PDS5B: variants seen among roughly 807,000 people sequenced by gnomAD.
The protein encoded by PDS5B is PDS5 cohesin associated factor B.
A neutral mutation model predicts 184.1 loss-of-function variants in PDS5B; 51 were observed. That is an observed-to-expected ratio of 0.28 (90% CI 0.22 to 0.35). The LOEUF (loss-of-function observed/expected upper bound fraction) is 0.35, where lower values mean the gene tolerates loss of function less well. Ranked by LOEUF, PDS5B falls within the 10% of genes least tolerant of loss-of-function variation. The pLI is 1.00. For synonymous variants in PDS5B, 566 were observed against 569.2 expected, an observed-to-expected ratio of 0.99 and a Z score of 0.08; for missense variants, 1,180 against 1,723.3, an observed-to-expected ratio of 0.68 and a Z score of 5.58.
At chr13:32,715,901 T>G (rs1593494320) in intron 19 of PDS5B, among the ~76,000 whole-genome samples, 1 of 152,256 alleles carries the variant, frequency 6.6e-6, no homozygotes, top group African/African-American at 2.4e-5. Context: ...CCGCGAGTGA[T>G]CCGCCAGCCT....
intron 13 of PDS5B, chr13:32,689,905 A>G (rs1021464421): frequency 6.6e-6 from 1 of 152,108 alleles, no homozygotes; most frequent in Admixed American, 6.6e-5. Context: ...ACCTATTGGA[A>G]ATCATAGTAA....
At chr13:32,596,771 G>A (rs2057879341) in intron 1 of PDS5B, among the ~76,000 whole-genome samples, 1 of 151,954 alleles carries the variant, frequency 6.6e-6, no homozygotes, top group Non-Finnish European at 1.5e-5. Flanking sequence ...TTGCATGGTT[G>A]TTGACAGTAT....
Position 32,764,625 on chromosome 13 carries a change from A to G in PDS5B, c.3624+31A>G, listed in dbSNP as rs762634662. The stretch of plus-strand genomic sequence containing the variant: ...ATATTTGCATTGATTTTATAATAAT[A>G]TTAATGATAATTTTACTTAGTAATG... On this transcript the variant is annotated intron_variant, in intron 31 of 34. Coordinates refer to ENST00000315596, the MANE Select transcript of PDS5B (RefSeq NM_015032.4). 5.0e-6 allele frequency: 6 copies of G among 1,194,898 alleles called. No individual in the cohort carries two copies. The African/African-American group carries it at 7.8e-5, about 16-fold the overall frequency. 74.0% of individuals were successfully genotyped at this position (1,194,898 alleles called of 1,614,324 possible).
At chr13:32,635,926 G>T (rs368037746) in intron 1 of PDS5B, among the ~76,000 whole-genome samples, 4 of 151,622 alleles carry the variant, frequency 2.6e-5, no homozygotes, top group Admixed American at 1.3e-4. Flanking sequence ...CCGCCACCAC[G>T]CCTGGCTAAT....
chr13:32,655,373 TA>T (rs1371817466), intron 3 of PDS5B, among the ~76,000 whole-genome samples: 4 of 41,162 alleles, frequency 9.7e-5, no homozygotes, highest in South Asian at 1.1e-3. Context: ...TATATATATA[TA>T]TTTTTTTTTT....
At chr13:32,639,236 A>G (rs1010713771) in intron 1 of PDS5B, among the ~76,000 whole-genome samples, 17 of 152,208 alleles carry the variant, frequency 1.1e-4, no homozygotes, top group South Asian at 4.1e-4. Context: ...TGTTTGAGCC[A>G]GTTAAACTTT....
intron 1 of PDS5B, among the ~76,000 whole-genome samples, chr13:32,614,975 A>T (rs1470806681): frequency 6.6e-6 from 1 of 152,204 alleles, no homozygotes; most frequent in Non-Finnish European, 1.5e-5. Flanking sequence ...TGATGTGTGT[A>T]CAAAGTAAAC....
intron 1 of PDS5B, among the ~76,000 whole-genome samples, chr13:32,647,967 CTGT>C (rs1950269563): frequency 6.6e-6 from 1 of 152,184 alleles, no homozygotes; most frequent in African/African-American, 2.4e-5. Flanking sequence ...GTGCTTGGGG[CTGT>C]TATTAACCAG....
At chr13:32,649,829 A>G (rs1344929444) in intron 2 of PDS5B, 1 of 152,168 alleles carries the variant, frequency 6.6e-6, no homozygotes, top group Non-Finnish European at 1.5e-5. Flanking sequence ...GATTAAATTT[A>G]CTAATAGGTG....
chr13:32,754,454 A>T (rs1954099746), intron 25 of PDS5B, among the ~76,000 whole-genome samples: 1 of 152,134 alleles, frequency 6.6e-6, no homozygotes, highest in East Asian at 1.9e-4. Flanking sequence ...CTCTGTTGTC[A>T]ACTCTATCTG....
chr13:32,621,634 G>A (rs1638494201), intron 1 of PDS5B, among the ~76,000 whole-genome samples: 1 of 151,872 alleles, frequency 6.6e-6, no homozygotes, highest in South Asian at 2.1e-4. Context: ...CTCTATTCAG[G>A]TTTTACATTT....
intron 7 of PDS5B, 150 bp downstream of exon 7, chr13:32,667,994 C>T (rs1281583370): frequency 2.2e-6 from 1 of 452,188 alleles, no homozygotes; most frequent in Non-Finnish European, 4.0e-6. Flanking sequence ...CTTTCTCCTT[C>T]TTAAAATTAT....
chr13:32,761,343 TG>T (rs1269554727), intron 30 of PDS5B, among the ~76,000 whole-genome samples: 2 of 152,198 alleles, frequency 1.3e-5, no homozygotes, highest in African/African-American at 4.8e-5. Context: ...TTTGCTTTTT[TG>T]TTTTTTTTAA....
At chr13:32,766,085 T>G (rs2074496774) in intron 31 of PDS5B, among the ~76,000 whole-genome samples, 1 of 152,348 alleles carries the variant, frequency 6.6e-6, no homozygotes. Context: ...TATGTCTTCT[T>G]AGTTCTCACT....
intron 27 of PDS5B, among the ~76,000 whole-genome samples, 154 bp from the exon 28 acceptor site, chr13:32,758,380 G>A (rs539934162): frequency 6.6e-6 from 1 of 152,232 alleles, no homozygotes; most frequent in African/African-American, 2.4e-5. Context: ...AAGTAAATGA[G>A]CAAAACCAGT....
chr13:32,765,745 A>G lies in PDS5B; in HGVS notation c.3624+1151A>G, dbSNP rs566708475. On this transcript the variant is annotated intron_variant, in intron 31 of 34. Coordinates refer to ENST00000315596, the MANE Select transcript of PDS5B (RefSeq NM_015032.4). ...CACCCTCCTGGGTAACTGGGACCAC[A>G]GGCATGTGCCAGCATGCGTAGCCAA... Among the ~76,000 whole-genome samples the G allele has an allele frequency of 1.5e-4, 23 of 152,302 alleles. No individual in the cohort carries two copies. In the South Asian group the frequency reaches 4.8e-3, roughly 32 times the overall value.
At chr13:32,595,270 A>G (rs2057844984) in intron 1 of PDS5B, among the ~76,000 whole-genome samples, 1 of 152,166 alleles carries the variant, frequency 6.6e-6, no homozygotes, top group Admixed American at 6.5e-5. Flanking sequence ...CTCTCACATT[A>G]CATAAGTTAC....
chr13:32,678,952 A>C (rs780979056), intron 10 of PDS5B, 23 bp downstream of exon 10: 30 of 1,258,680 alleles, frequency 2.4e-5, no homozygotes, highest in Non-Finnish European at 3.3e-5. Context: ...TGTAACAGCA[A>C]ATATTCTTAC....
In PDS5B at chr13:32,773,338, G is replaced by T; in HGVS notation, c.4308+14G>T. Reference sequence around the variant, plus strand: ...TCTACAGTAAATGTATGTGTTCAAAGTTTCTGTGAGTGGTGTGGGATATAA... The same window carrying T: ...TCTACAGTAAATGTATGTGTTCAAATTTTCTGTGAGTGGTGTGGGATATAA... On this transcript the variant is annotated intron_variant, in intron 34 of 34. Coordinates refer to ENST00000315596, the MANE Select transcript of PDS5B (RefSeq NM_015032.4). 1.9e-6 allele frequency: 3 copies of T among 1,600,782 alleles called. No homozygotes were observed. The highest frequency in any genetic ancestry group is 2.6e-6 in the Non-Finnish European group (3 of 1,174,312).
Sources: gnomAD v4.1 joint callset for allele counts (sites outside exome capture counted in the v4.1 genomes callset) on GRCh38, gnomAD v4.1.1 for gene constraint, MANE v1.5 for transcripts, NCBI Gene and HGNC (gene_info 2026-07-23, HGNC 2026-07-21) for gene names.